ERI1: variants seen among roughly 807,000 people sequenced by gnomAD.
ERI1 encodes the protein exoribonuclease 1.
A neutral mutation model predicts 39.7 loss-of-function variants in ERI1; 39 were observed. The observed-to-expected ratio is 0.98, with a 90% CI of 0.76 to 1.28. ERI1 has a LOEUF of 1.28. ERI1 is among the 50% of genes most tolerant of loss of function. ERI1 has a pLI of 0.00. For missense variants in ERI1, 581 were observed against 416.9 expected (o/e 1.39, Z -3.43); for synonymous variants, 204 against 149.6 (o/e 1.36, Z -2.65).
intron 3 of ERI1, among the ~76,000 whole-genome samples, chr8:9,055,741 A>G (rs1798486206): frequency 1.3e-5 from 2 of 152,102 alleles, no homozygotes; most frequent in South Asian, 4.1e-4. Context: ...GGGTTTTGCC[A>G]TGTTGGCCAG....
chr8:9,061,475 A>G (rs568536421), intron 3 of ERI1, among the ~76,000 whole-genome samples: 1 of 152,334 alleles, frequency 6.6e-6, no homozygotes, highest in Admixed American at 6.5e-5. Flanking sequence ...TGAGTTGACC[A>G]TAGTTTGTGA....
At chr8:9,070,684 G>A (rs1041712744) in intron 3 of ERI1, among the ~76,000 whole-genome samples, 2 of 152,214 alleles carry the variant, frequency 1.3e-5, no homozygotes, top group Admixed American at 1.3e-4. Context: ...TTACGCAGTG[G>A]AGTCCATCCT....
chr8:9,053,526 A>G (rs1798420449), intron 3 of ERI1, among the ~76,000 whole-genome samples: 2 of 152,188 alleles, frequency 1.3e-5, no homozygotes. Flanking sequence ...CTTGAGTCGT[A>G]TCCTTTATGG....
chr8:9,029,795 C>T lies in ERI1; in HGVS notation c.811C>T (p.Pro271Ser), dbSNP rs767093702. 6 of 1,613,892 alleles carry T rather than the reference C, an allele frequency of 3.7e-6. No homozygotes were observed. In the African/African-American group the frequency reaches 5.3e-5, roughly 14 times the overall value. ...RKSYGNFYKV[P>S]RSQTKLTIML... Reference sequence around the variant, plus strand: ...TACTAAGCTGTTTATTTTTCAGGTTCCTAGAAGCCAAACCAAACTGACAAT... The same window carrying T: ...TACTAAGCTGTTTATTTTTCAGGTTTCTAGAAGCCAAACCAAACTGACAAT... The change falls in exon 7 of 7, where the codon CCT becomes TCT. Residue 271 changes from proline (P) to serine (S), a missense_variant. By Grantham distance (74) the Pro-to-Ser change is moderately conservative. Coordinates refer to ENST00000250263, the MANE Select transcript of ERI1 (RefSeq NM_153332.4).
In ERI1 at chr8:9,030,412, A is replaced by G. The variant is rs1364440569; in HGVS notation, c.*378A>G. 5.4e-6 allele frequency: 1 copy of G among 185,600 alleles called. No homozygotes were observed. The highest frequency in any genetic ancestry group is 2.3e-5 in the African/African-American group (1 of 43,006). The allele number at this position is 185,600 out of a possible 1,614,324, so 11.5% of individuals were successfully genotyped here. Reference sequence around the variant, plus strand: ...AATGTGTTTCTTTATTAACATCACTAGATGAAACCATATCTTAAAATGCAG... The same window carrying G: ...AATGTGTTTCTTTATTAACATCACTGGATGAAACCATATCTTAAAATGCAG... On this transcript the variant is annotated 3_prime_UTR_variant, in exon 7 of 7. Coordinates refer to ENST00000250263, the MANE Select transcript of ERI1 (RefSeq NM_153332.4).
chr8:9,050,751 C>G (rs1377940014), intron 3 of ERI1, among the ~76,000 whole-genome samples: 1 of 152,164 alleles, frequency 6.6e-6, no homozygotes. Flanking sequence ...AGCTTCAGGA[C>G]TTGTTAGCTG....
intron 3 of ERI1, chr8:9,049,860 G>GA (rs1798301815): frequency 1.3e-5 from 2 of 152,436 alleles, no homozygotes; most frequent in African/African-American, 4.8e-5. Context: ...GGTGAGGAGA[G>GA]AGGGACAGTG....
intron 3 of ERI1, among the ~76,000 whole-genome samples, chr8:9,047,901 G>C (rs571720942): frequency 6.6e-6 from 1 of 152,252 alleles, no homozygotes; most frequent in African/African-American, 2.4e-5. Flanking sequence ...CACCATGCCA[G>C]GTGTTCCAGA....
At chr8:9,022,346 G>C (rs1818001337) in intron 6 of ERI1, among the ~76,000 whole-genome samples, 1 of 151,812 alleles carries the variant, frequency 6.6e-6, no homozygotes, top group Non-Finnish European at 1.5e-5. Context: ...TTTTACTTTG[G>C]GTGCTAGTCC....
At chr8:9,035,435 C>A (rs1294753647), downstream of ERI1, among the ~76,000 whole-genome samples, 1 of 152,136 alleles carries the variant, frequency 6.6e-6, no homozygotes, top group Non-Finnish European at 1.5e-5. Context: ...AATCCTAGGG[C>A]CCTTATGCTA....
intron 3 of ERI1, among the ~76,000 whole-genome samples, chr8:9,061,774 C>T (rs1338448834): frequency 2.0e-5 from 3 of 151,506 alleles, no homozygotes; most frequent in Admixed American, 6.6e-5. Context: ...GACATTTGGG[C>T]TTGACTGAAG....
chr8:9,037,198 A>G (rs937331579), downstream of ERI1, among the ~76,000 whole-genome samples: 1 of 152,196 alleles, frequency 6.6e-6, no homozygotes, highest in African/African-American at 2.4e-5. Flanking sequence ...GAACCTTCAC[A>G]GTCTGATTTC....
chr8:9,032,109 A>G lies in ERI1; in HGVS notation c.*2075A>G, dbSNP rs1448241759. ...AGTCTCTGTCCTCCCCTCCAATTTG[A>G]TTTGGGATTTTGCTGATGAGATGAT... On this transcript the variant is annotated 3_prime_UTR_variant, in exon 7 of 7. Transcript: ENST00000250263. 1.3e-5 allele frequency: 2 copies of G among 151,960 alleles called. No homozygotes were observed. Among genetic ancestry groups the G allele is most frequent in the Non-Finnish European group, 2.9e-5 (2 of 67,996 alleles). 9.4% of individuals were successfully genotyped at this position (151,960 alleles called of 1,614,324 possible). A position where few individuals can be genotyped will look rare whatever the true frequency, so the allele number is the denominator to read the frequency against.
chr8:9,019,271 C>T (rs1817634168), intron 5 of ERI1, among the ~76,000 whole-genome samples: 1 of 152,192 alleles, frequency 6.6e-6, no homozygotes, highest in Non-Finnish European at 1.5e-5. Flanking sequence ...TCAAACTGTG[C>T]AGGTTATCCT....
chr8:9,005,660 G>C (rs543559179), intron 1 of ERI1, among the ~76,000 whole-genome samples: 1 of 151,658 alleles, frequency 6.6e-6, no homozygotes, highest in South Asian at 2.1e-4. Flanking sequence ...GACTACAGGC[G>C]CCCGCCCGGC....
chr8:9,023,917 G>A (rs1438944377), intron 6 of ERI1, among the ~76,000 whole-genome samples: 2 of 147,636 alleles, frequency 1.4e-5, no homozygotes, highest in Non-Finnish European at 3.0e-5. Context: ...TCCTGCCTCA[G>A]CCTCCCGAGT....
In ERI1 at chr8:9,032,467, T is replaced by A. The variant is rs1173069425; in HGVS notation, c.*2433T>A. 6.6e-6 allele frequency: 1 copy of A among 152,348 alleles called. No individual in the cohort carries two copies. Among genetic ancestry groups the A allele is most frequent in the Middle Eastern group, 3.4e-3 (1 of 294 alleles). 9.4% of individuals were successfully genotyped at this position (152,348 alleles called of 1,614,324 possible). ...TTTATTTGTGTTCTGTTGGATCAAG[T>A]ATTTAACATTTGCTCTGAAAAAAAT... On this transcript the variant is annotated 3_prime_UTR_variant, in exon 7 of 7. Coordinates refer to ENST00000250263, the MANE Select transcript of ERI1 (RefSeq NM_153332.4).
intron 3 of ERI1, among the ~76,000 whole-genome samples, chr8:9,082,593 G>C (rs1799402818): frequency 6.6e-6 from 1 of 152,172 alleles, no homozygotes; most frequent in African/African-American, 2.4e-5. Flanking sequence ...TCTCTGCTGT[G>C]TTGAAAGGAT....
At chr8:9,085,216 G>T (rs1021799549) in intron 3 of ERI1, among the ~76,000 whole-genome samples, 41 of 152,054 alleles carry the variant, frequency 2.7e-4, no homozygotes, top group Admixed American at 2.6e-3. Flanking sequence ...TGTTGCTGTT[G>T]TTGTTGTTTT....
Sources: allele counts gnomAD v4.1 joint callset (sites outside exome capture counted in the v4.1 genomes callset), GRCh38; gene constraint gnomAD v4.1.1; transcripts MANE v1.5; gene names NCBI Gene and HGNC (gene_info 2026-07-23, HGNC 2026-07-21).